KLF12: variants seen among roughly 807,000 people sequenced by gnomAD.
KLF12 encodes the protein Krueppel-like factor 12.
A neutral mutation model predicts 37.8 loss-of-function variants in KLF12; 9 were observed. The ratio of observed to expected loss-of-function variants is 0.24; its 90% CI spans 0.14 to 0.42. The LOEUF is 0.42. KLF12 is among the 10% of genes least tolerant of loss of function. KLF12 has a pLI of 1.00. For synonymous variants in KLF12, 208 were observed against 202.1 expected, an observed-to-expected ratio of 1.03 and a Z score of -0.25; for missense variants, 411 against 516.0, an observed-to-expected ratio of 0.80 and a Z score of 1.97.
At chr13:74,231,230 G>C in the KLF12 span, among the ~76,000 whole-genome samples, 1 of 151,816 alleles carries the variant, frequency 6.6e-6, no homozygotes, top group Admixed American at 6.6e-5. Context: ...TGTATCTCCA[G>C]GGCTTATCGC....
At chr13:74,074,692 A>C (rs566512226) in intron 1 of KLF12, among the ~76,000 whole-genome samples, 76 of 152,218 alleles carry the variant, frequency 5.0e-4, no homozygotes, top group African/African-American at 1.8e-3. Context: ...AGGTAAACTC[A>C]TGTCATGGGG....
the KLF12 span, among the ~76,000 whole-genome samples, chr13:74,286,344 G>T: frequency 1.3e-5 from 2 of 152,142 alleles, no homozygotes; most frequent in Non-Finnish European, 2.9e-5. Context: ...ACACAGGATG[G>T]ATGGAGAAAT....
the KLF12 span, among the ~76,000 whole-genome samples, chr13:74,239,389 G>A: frequency 8.1e-6 from 1 of 123,338 alleles, no homozygotes; most frequent in South Asian, 3.1e-4. Context: ...AATAGGTGTG[G>A]TGTGGTGCTG....
chr13:74,045,882 C>T (rs1893530435), intron 1 of KLF12, among the ~76,000 whole-genome samples: 1 of 152,208 alleles, frequency 6.6e-6, no homozygotes, highest in Non-Finnish European at 1.5e-5. Flanking sequence ...GCTCTGGCCA[C>T]CGCCCTGAAC....
chr13:73,987,085 G>A (rs535122142), intron 2 of KLF12, among the ~76,000 whole-genome samples: 2 of 152,084 alleles, frequency 1.3e-5, no homozygotes, highest in Non-Finnish European at 2.9e-5. Context: ...TGTTAAATAT[G>A]AATAATCAAT....
upstream of KLF12, among the ~76,000 whole-genome samples, chr13:74,135,999 G>A (rs767995255): frequency 1.2e-4 from 19 of 152,214 alleles, no homozygotes; most frequent in Non-Finnish European, 2.1e-4. Flanking sequence ...CCACTCCTAG[G>A]TTCTGGGGAA....
intron 3 of KLF12, among the ~76,000 whole-genome samples, chr13:73,932,870 T>A (rs1482782707): frequency 1.3e-5 from 2 of 152,148 alleles, no homozygotes; most frequent in Admixed American, 1.3e-4. Context: ...AAGATCTATA[T>A]TAGATTCTTC....
At chr13:73,976,536 C>A (rs1891527734) in intron 2 of KLF12, among the ~76,000 whole-genome samples, 2 of 152,196 alleles carry the variant, frequency 1.3e-5, no homozygotes, top group South Asian at 4.1e-4. Flanking sequence ...TGCCCCACAA[C>A]AGCCTCCCTA....
At chr13:73,876,158 A>T (rs1324648915) in intron 3 of KLF12, among the ~76,000 whole-genome samples, 5 of 152,146 alleles carry the variant, frequency 3.3e-5, no homozygotes, top group African/African-American at 9.6e-5. Flanking sequence ...AAAATAAAAA[A>T]AAAAAAAAAA....
At chr13:74,210,547 G>A in the KLF12 span, among the ~76,000 whole-genome samples, 2 of 152,098 alleles carry the variant, frequency 1.3e-5, no homozygotes, top group African/African-American at 2.4e-5. Context: ...TCTGTGAGAC[G>A]ATGTCATTTC....
Position 73,995,050 on chromosome 13 carries a change from G to A in KLF12, c.-28C>T. 1 of 1,594,076 alleles carries A rather than the reference G, an allele frequency of 6.3e-7. No homozygotes were observed. Among genetic ancestry groups the A allele is most frequent in the Non-Finnish European group, 8.6e-7 (1 of 1,168,376 alleles). ...ATCCATTTGTTCTTAGAGTCACATTGATCCTGCAAGAAAAACACAAAGACA... is the reference window on the plus strand; with the variant it reads ...ATCCATTTGTTCTTAGAGTCACATTAATCCTGCAAGAAAAACACAAAGACA... On this transcript the variant is annotated 5_prime_UTR_variant, in exon 2 of 8. Coordinates refer to ENST00000377669, the MANE Select transcript of KLF12 (RefSeq NM_007249.5).
chr13:73,902,146 T>A (rs1888069876), intron 3 of KLF12, among the ~76,000 whole-genome samples: 1 of 152,186 alleles, frequency 6.6e-6, no homozygotes, highest in African/African-American at 2.4e-5. Context: ...AAAAGTGTAA[T>A]TACTTGGACT....
At position 73,686,601 on chromosome 13, in the gene KLF12, A is replaced by T. The variant is rs1304162137; in HGVS notation, c.*8889T>A. 1 of 152,644 alleles carries T rather than the reference A, an allele frequency of 6.6e-6. No individual in the cohort carries two copies. The highest frequency in any genetic ancestry group is 1.5e-5 in the Non-Finnish European group (1 of 68,032). The allele number at this position is 152,644 out of a possible 1,614,324, so 9.5% of individuals were successfully genotyped here. A position where few individuals can be genotyped will look rare whatever the true frequency, so the allele number is the denominator to read the frequency against. Reference sequence around the variant, plus strand: ...GAACAGAAAACCAAATGAAGATTTAAGAACTCAACACATTTGCTTGCCAGC... The same window carrying T: ...GAACAGAAAACCAAATGAAGATTTATGAACTCAACACATTTGCTTGCCAGC... On this transcript the variant is annotated 3_prime_UTR_variant, in exon 8 of 8. Transcript: ENST00000377669.
intron 3 of KLF12, among the ~76,000 whole-genome samples, chr13:73,904,925 AC>A (rs1434206489): frequency 1.3e-5 from 2 of 151,312 alleles, no homozygotes; most frequent in Non-Finnish European, 2.9e-5. Flanking sequence ...CTGTGCTTTA[AC>A]AGTCAGTGGT....
chr13:73,778,585 G>A (rs967988645), intron 5 of KLF12, among the ~76,000 whole-genome samples: 2 of 151,974 alleles, frequency 1.3e-5, no homozygotes, highest in Non-Finnish European at 1.5e-5. Flanking sequence ...GGCTAGTCTC[G>A]AACACCTGGG....
intron 7 of KLF12, among the ~76,000 whole-genome samples, chr13:73,712,708 C>T (rs1217537196): frequency 2.0e-5 from 3 of 152,146 alleles, no homozygotes; most frequent in African/African-American, 7.2e-5. Flanking sequence ...TTTCCACATC[C>T]ACTCCAACCT....
At chr13:74,129,682 T>A (rs1179532843) in intron 1 of KLF12, among the ~76,000 whole-genome samples, 5 of 149,658 alleles carry the variant, frequency 3.3e-5, no homozygotes, top group African/African-American at 4.9e-5. Flanking sequence ...CACATGACTT[T>A]AAGTTGAAAA....
At chr13:73,811,062 T>A (rs777515837) in intron 5 of KLF12, among the ~76,000 whole-genome samples, 2 of 139,118 alleles carry the variant, frequency 1.4e-5, no homozygotes, top group African/African-American at 5.3e-5. Flanking sequence ...CTCAGCTCAC[T>A]GCAACCTCTC....
the KLF12 span, among the ~76,000 whole-genome samples, chr13:74,164,671 G>A: frequency 4.6e-5 from 7 of 152,198 alleles, no homozygotes; most frequent in African/African-American, 1.4e-4. Context: ...GTTCAAATAA[G>A]AGAAAATCCA....
Sources: allele counts gnomAD v4.1 joint callset (sites outside exome capture counted in the v4.1 genomes callset), GRCh38; gene constraint gnomAD v4.1.1; transcripts MANE v1.5; gene names NCBI Gene and HGNC (gene_info 2026-07-23, HGNC 2026-07-21).